The following LMAN1L variants were observed in gnomAD, a reference collection of about 807,000 sequenced individuals.
LMAN1L encodes the protein protein ERGIC-53-like.
A neutral mutation model predicts 58.3 loss-of-function variants in LMAN1L; 60 were observed. The ratio of observed to expected loss-of-function variants is 1.03; its 90% CI spans 0.84 to 1.27. LMAN1L has a LOEUF of 1.27. Among genes scored for constraint, LMAN1L ranks in the 50% most tolerant of loss-of-function variants. LMAN1L has a pLI of 0.00. For synonymous variants in LMAN1L, 280 were observed against 271.6 expected, an observed-to-expected ratio of 1.03 and a Z score of -0.31; for missense variants, 629 against 674.0, an observed-to-expected ratio of 0.93 and a Z score of 0.74.
Position 74,821,917 on chromosome 15 carries a change from T to C in LMAN1L, c.1131+17T>C, listed in dbSNP as rs750385914. The C allele has an allele frequency of 5.0e-5, 78 of 1,569,764 alleles. No homozygotes were observed. Among genetic ancestry groups the C allele is most frequent in the Non-Finnish European group, 6.7e-5 (76 of 1,140,462 alleles). On this transcript the variant is annotated intron_variant, in intron 10 of 13. Transcript: ENST00000309664. ...CTCAATAAGGTAGGGACCCAAACAC[T>C]GGGTGTTGACCAGCACTGGCCCCAG... is the stretch of plus-strand genomic sequence containing the variant.
In LMAN1L at chr15:74,825,630, C is replaced by T. The variant is rs751569270; in HGVS notation, c.*25C>T. 2.5e-6 allele frequency: 4 copies of T among 1,596,828 alleles called. No homozygotes were observed. Among genetic ancestry groups the T allele is most frequent in the Non-Finnish European group, 2.6e-6 (3 of 1,168,760 alleles). On this transcript the variant is annotated 3_prime_UTR_variant, in exon 14 of 14. Transcript: ENST00000309664. ...ACCCACCTCAGAGCCTGCTTTGCAT[C>T]ACTGGGAAGCAGGCAGTGTCTTGGG... is the stretch of plus-strand genomic sequence containing the variant.
intron 6 of LMAN1L, chr15:74,819,833 C>T (rs2063908569): frequency 3.2e-6 from 2 of 618,188 alleles, no homozygotes; most frequent in Admixed American, 2.5e-5. Context: ...GGGCCTGCCT[C>T]TGACTGAGTG....
rs554716189 is a variant in LMAN1L, at chr15:74,814,698, G to A, written c.176-1459G>A. Among the ~76,000 whole-genome samples, 5 of 151,524 alleles carry A rather than the reference G, an allele frequency of 3.3e-5. No individual in the cohort carries two copies. The East Asian group carries it at 7.8e-4, about 24-fold the overall frequency. ...ATTTTTGTATTTTTTAAGTAGAGAC[G>A]GGTTGTCACCATGTTGGCCAGGCTG... On this transcript the variant is annotated intron_variant, in intron 1 of 13. Transcript: ENST00000309664.
At chr15:74,825,077 G>A (rs1308791837) in intron 13 of LMAN1L, 4 of 168,298 alleles carry the variant, frequency 2.4e-5, no homozygotes, top group Admixed American at 5.7e-5. Flanking sequence ...AACGTGCACC[G>A]TTTAGAGATG....
rs780040539 is a variant in LMAN1L, at chr15:74,818,767, C to T, written c.547C>T (p.Arg183Trp). 26 of 1,611,890 alleles carry T rather than the reference C, an allele frequency of 1.6e-5. No homozygotes were observed. The highest frequency in any genetic ancestry group is 4.5e-5 in the East Asian group (2 of 44,846). The change falls in exon 5 of 14, where the codon CGG (arginine) becomes TGG (tryptophan). Residue 183 changes from arginine to tryptophan, a missense_variant. Physicochemically the swap from Arg to Trp is moderately radical, Grantham distance 101. Transcript: ENST00000309664. ...CTCCTGTCATTGGGACTTCCGGAAC[C>T]GGCCACACCCCTTCAGAGCACGGAT... is the stretch of plus-strand genomic sequence containing the variant. ...LGSCHWDFRNRPHPFRARITY... is the reference protein window; with the variant it reads ...LGSCHWDFRNWPHPFRARITY...
intron 1 of LMAN1L, among the ~76,000 whole-genome samples, chr15:74,814,981 C>T (rs2063884279): frequency 6.6e-6 from 1 of 152,304 alleles, no homozygotes; most frequent in East Asian, 1.9e-4. Context: ...TGGGCCTTGC[C>T]AAATCTGGGT....
chr15:74,821,793 C>T (rs757189361), intron 9 of LMAN1L, 36 bp from the exon 10 acceptor site: 3 of 1,454,104 alleles, frequency 2.1e-6, no homozygotes, highest in Non-Finnish European at 2.9e-6. Context: ...AGGGGACTTA[C>T]ACTCCAGGGC....
intron 1 of LMAN1L, chr15:74,813,529 G>T (rs2063875414): frequency 1.1e-5 from 5 of 453,246 alleles, no homozygotes; most frequent in African/African-American, 2.0e-5. Context: ...GTGGAAGCAG[G>T]CATGAGAGCA....
chr15:74,817,161 G>C (rs2063895505), intron 4 of LMAN1L, among the ~76,000 whole-genome samples: 1 of 152,120 alleles, frequency 6.6e-6, no homozygotes, highest in African/African-American at 2.4e-5. Context: ...TCAGTAGCTG[G>C]GCCGGTTTGT....
At chr15:74,822,152 C>T (rs889556354) in intron 10 of LMAN1L, among the ~76,000 whole-genome samples, 5 of 152,224 alleles carry the variant, frequency 3.3e-5, no homozygotes, top group East Asian at 1.9e-4. Flanking sequence ...GTCAAAAGAT[C>T]GAGACCATCC....
intron 5 of LMAN1L, 29 bp from the exon 6 acceptor site, chr15:74,819,123 C>CCA (rs1457508619): frequency 1.9e-6 from 3 of 1,583,172 alleles, no homozygotes; most frequent in Admixed American, 3.5e-5. Context: ...GGACACCCCC[C>CCA]CACTGCTCAC....
Position 74,812,901 on chromosome 15 carries a change from T to G in LMAN1L, c.47T>G (p.Leu16Arg). ...GGTCCCTTATTCTGCCTTCTCCTCC[T>G]GCTCCTGGACCCCCACAGCCCTGAG... ...GPGPLFCLLLLLLDPHSPETG... is the reference protein window; with the variant it reads ...GPGPLFCLLLRLLDPHSPETG... The change falls in exon 1 of 14, where the codon CTG becomes CGG. Residue 16 changes from leucine to arginine, a missense_variant. Physicochemically the swap from Leu to Arg is moderately radical, Grantham distance 102 (BLOSUM62 -2). Around this residue, in one of 3 missense-constraint regions of LMAN1L, gnomAD observed 573 missense variants for 597.3 expected, o/e 0.96. Coordinates refer to ENST00000309664, the MANE Select transcript of LMAN1L (RefSeq NM_021819.3). 1 of 1,613,428 alleles carries G rather than the reference T, an allele frequency of 6.2e-7. No individual in the cohort carries two copies. The highest frequency in any genetic ancestry group is 8.5e-7 in the Non-Finnish European group (1 of 1,179,564).
intron 1 of LMAN1L, among the ~76,000 whole-genome samples, chr15:74,814,142 A>AT (rs1389386287): frequency 6.6e-6 from 1 of 151,040 alleles, no homozygotes; most frequent in Non-Finnish European, 1.5e-5. Context: ...AAAAAAAAAA[A>AT]GATGTGAGTT....
Position 74,820,055 on chromosome 15 carries a change from GTCCTGTCCTTCCTGACCT to G in LMAN1L, c.733_750del (p.Leu245_Phe250del). 2 of 1,614,126 alleles carry G rather than the reference GTCCTGTCCTTCCTGACCT, an allele frequency of 1.2e-6. No homozygotes were observed. The highest frequency in any genetic ancestry group is 1.1e-5 in the South Asian group (1 of 91,080). On this transcript the variant is annotated inframe_deletion, in exon 7 of 14. Transcript: ENST00000309664. Reference sequence around the variant, plus strand: ...CTGTCCCCTTCCAGATGATCATGATGTCCTGTCCTTCCTGACCTTCAGCCTGAGTGAGCCCAGCCCAGA... The same window carrying G: ...CTGTCCCCTTCCAGATGATCATGATGTCAGCCTGAGTGAGCCCAGCCCAGA...
intron 4 of LMAN1L, among the ~76,000 whole-genome samples, chr15:74,817,952 G>T (rs1009395477): frequency 7.9e-5 from 12 of 151,080 alleles, no homozygotes; most frequent in African/African-American, 2.9e-4. Flanking sequence ...GGCAAAGGTT[G>T]CAGTGAGCCG....
chr15:74,818,650 C>A, intron 4 of LMAN1L, 68 bp from the exon 5 acceptor site: 1 of 1,193,278 alleles, frequency 8.4e-7, no homozygotes, highest in Admixed American at 2.0e-5. Flanking sequence ...GCCACAACTG[C>A]ACCACTGCAC....
intron 7 of LMAN1L, 63 bp from the exon 8 acceptor site, chr15:74,820,572 G>T (rs750424726): frequency 3.4e-5 from 55 of 1,605,026 alleles, no homozygotes; most frequent in Non-Finnish European, 4.6e-5. Context: ...CCTGTGGGAA[G>T]GCTCCCCTTG....
intron 13 of LMAN1L, 146 bp from the exon 14 acceptor site, chr15:74,825,330 C>A: frequency 1.2e-6 from 1 of 812,960 alleles, no homozygotes; most frequent in Non-Finnish European, 2.0e-6. Flanking sequence ...GGACCATATG[C>A]AGCGGGCCAA....
chr15:74,817,959 G>A (rs1187806877), intron 4 of LMAN1L, among the ~76,000 whole-genome samples: 1 of 150,822 alleles, frequency 6.6e-6, no homozygotes, highest in Non-Finnish European at 1.5e-5. Flanking sequence ...GTTGCAGTGA[G>A]CCGAGATCGC....
Sources: allele counts gnomAD v4.1 joint callset (sites outside exome capture counted in the v4.1 genomes callset), GRCh38; gene constraint gnomAD v4.1.1; regional missense constraint gnomAD v4.1.1; transcripts MANE v1.5; gene names NCBI Gene and HGNC (gene_info 2026-07-23, HGNC 2026-07-21).